The following RRM1 variants were observed in gnomAD, a reference collection of about 807,000 sequenced individuals.
RRM1 encodes ribonucleotide reductase catalytic subunit M1.
Under a neutral mutation model 101.5 loss-of-function variants are expected in RRM1, and 19 were observed. The ratio of observed to expected loss-of-function variants is 0.19; its 90% CI spans 0.13 to 0.27. The LOEUF is 0.27. Among genes scored for constraint, RRM1 ranks in the 10% least tolerant of loss-of-function variants. RRM1 has a pLI of 1.00. For missense variants in RRM1, 500 were observed against 962.9 expected (o/e 0.52, Z 6.36); for synonymous variants, 298 against 323.4 (o/e 0.92, Z 0.84).
intron 12 of RRM1, among the ~76,000 whole-genome samples, chr11:4,124,894 A>C (rs2094587090): frequency 6.7e-6 from 1 of 148,402 alleles, no homozygotes; most frequent in African/African-American, 2.5e-5. Context: ...CATTACCACT[A>C]TCTAATTGTA....
chr11:4,110,534 G>A lies in RRM1; in HGVS notation c.447+831G>A, dbSNP rs76542733. On this transcript the variant is annotated intron_variant, in intron 5 of 18. Coordinates refer to ENST00000300738, the MANE Select transcript of RRM1 (RefSeq NM_001033.5). The stretch of plus-strand genomic sequence containing the variant: ...TGTAATCCCAGCACTTTAGGAAGCC[G>A]AGGCGGGCTGATCACTCGAGGTCAG... Among the ~76,000 whole-genome samples, 5 of 152,074 alleles carry A rather than the reference G, an allele frequency of 3.3e-5. No homozygotes were observed. In the East Asian group the frequency reaches 9.7e-4, roughly 30 times the overall value.
intron 2 of RRM1, chr11:4,105,794 G>C (rs1590714242): frequency 2.2e-6 from 1 of 449,422 alleles, no homozygotes; most frequent in East Asian, 4.6e-5. Flanking sequence ...CGAACTCCTG[G>C]ACTCAAGCCA....
chr11:4,116,971 AAAAAG>A (rs1306304378), intron 7 of RRM1, among the ~76,000 whole-genome samples: 17 of 147,906 alleles, frequency 1.1e-4, no homozygotes, highest in African/African-American at 3.2e-4. Flanking sequence ...TGTCTCAAAA[AAAAAG>A]AAAAGAAAAG....
chr11:4,107,214 A>G (rs1476386545), intron 3 of RRM1, among the ~76,000 whole-genome samples: 4 of 152,228 alleles, frequency 2.6e-5, no homozygotes, highest in Non-Finnish European at 5.9e-5. Flanking sequence ...TTAAACTACA[A>G]GAACTTATAA....
intron 4 of RRM1, among the ~76,000 whole-genome samples, chr11:4,108,340 T>A (rs2094560983): frequency 6.6e-6 from 1 of 152,146 alleles, no homozygotes; most frequent in Non-Finnish European, 1.5e-5. Flanking sequence ...AGCTCACGCC[T>A]GTAATCCCAG....
intron 12 of RRM1, among the ~76,000 whole-genome samples, chr11:4,124,834 TTC>T (rs1272027720): frequency 2.6e-5 from 1 of 38,698 alleles, no homozygotes; most frequent in Non-Finnish European, 8.3e-5. Flanking sequence ...AGTGTTTTTT[TTC>T]TTTTCTTTTC....
In RRM1 at chr11:4,129,054, T is replaced by G. The variant is rs765502529; in HGVS notation, c.1693-20T>G. The stretch of plus-strand genomic sequence containing the variant: ...AGTTTTAACTTGCTGTAGAATAAAT[T>G]TGAGTTGTGTATTCCTTAGATTCTT... On this transcript the variant is annotated intron_variant, in intron 14 of 18. Coordinates refer to ENST00000300738, the MANE Select transcript of RRM1 (RefSeq NM_001033.5). The G allele has an allele frequency of 7.0e-6, 10 of 1,437,944 alleles. No homozygotes were observed. In the South Asian group the frequency reaches 1.2e-4, roughly 17 times the overall value. The allele number at this position is 1,437,944 out of a possible 1,614,324, so 89.1% of individuals were successfully genotyped here.
At chr11:4,101,563 C>CG (rs2094551198) in intron 1 of RRM1, among the ~76,000 whole-genome samples, 1 of 58,002 alleles carries the variant, frequency 1.7e-5, no homozygotes, top group African/African-American at 4.0e-5. Flanking sequence ...ATCCACACCC[C>CG]CCCCCGCTCC....
Position 4,101,991 on chromosome 11 carries a change from A to C in RRM1, c.20-2A>C. ...AATTGCTAACATGATTTGATTCTTT[A>C]GATGGCCGCCAAGAACGAGTCATGT... On this transcript the variant is annotated splice_acceptor_variant, in intron 1 of 18. Coordinates refer to ENST00000300738, the MANE Select transcript of RRM1 (RefSeq NM_001033.5). LOFTEE classifies it high-confidence loss of function. 1 of 1,545,954 alleles carries C rather than the reference A, an allele frequency of 6.5e-7. No individual in the cohort carries two copies. The highest frequency in any genetic ancestry group is 8.9e-7 in the Non-Finnish European group (1 of 1,122,530).
intron 5 of RRM1, among the ~76,000 whole-genome samples, chr11:4,110,768 C>CAAAA (rs968622381): frequency 9.9e-4 from 51 of 51,358 alleles, no homozygotes; most frequent in Non-Finnish European, 1.7e-3. Context: ...GACTCTGTCT[C>CAAAA]AAAAAAAAAA....
chr11:4,095,115 C>CGCCTTCGCTGCTTCCCGCCT, intron 1 of RRM1, 84 bp downstream of exon 1: 4 of 1,453,568 alleles, frequency 2.8e-6, no homozygotes, highest in South Asian at 2.4e-5. Context: ...ACCGCCCGCC[C>CGCCTTCGCTGCTTCCCGCCT]GCCTTCGCTG....
In RRM1 at chr11:4,126,852, G is replaced by A. The variant is rs1486153158; in HGVS notation, c.1470+19G>A. The A allele has an allele frequency of 6.4e-7, 1 of 1,573,694 alleles. No individual in the cohort carries two copies. Among genetic ancestry groups the A allele is most frequent in the Non-Finnish European group, 8.7e-7 (1 of 1,153,114 alleles). Reference sequence around the variant, plus strand: ...ACCAGAGGTATGAATAGATTTCTCTGCTTATTGGTAATTATTGAAATCCAA... The same window carrying A: ...ACCAGAGGTATGAATAGATTTCTCTACTTATTGGTAATTATTGAAATCCAA... On this transcript the variant is annotated intron_variant, in intron 13 of 18. Coordinates refer to ENST00000300738, the MANE Select transcript of RRM1 (RefSeq NM_001033.5).
At chr11:4,131,301 C>T (rs1052214266) in intron 15 of RRM1, among the ~76,000 whole-genome samples, 3 of 152,196 alleles carry the variant, frequency 2.0e-5, no homozygotes, top group South Asian at 2.1e-4. Context: ...AATTACCTCC[C>T]GCCAGGTCCC....
rs2094601631 is a variant in RRM1, at chr11:4,132,165, T to C, written c.1770-121T>C. The C allele has an allele frequency of 1.0e-6, 1 of 955,382 alleles. No individual in the cohort carries two copies. The highest frequency in any genetic ancestry group is 1.6e-6 in the Non-Finnish European group (1 of 621,544). 59.2% of individuals were successfully genotyped at this position (955,382 alleles called of 1,614,324 possible). ...AAAGTCAACGTGTGAGTTCAATGCATGTACGATGTTACATTTACATTTACT... is the reference window on the plus strand; with the variant it reads ...AAAGTCAACGTGTGAGTTCAATGCACGTACGATGTTACATTTACATTTACT... On this transcript the variant is annotated intron_variant, in intron 15 of 18. Coordinates refer to ENST00000300738, the MANE Select transcript of RRM1 (RefSeq NM_001033.5). The surrounding 1 kb of genome is among the most constrained non-coding windows in gnomAD (Gnocchi z 4.1).
rs774660364 is a variant in RRM1 at position 4,133,657 on chromosome 11, A to G, written c.2000A>G (p.Gln667Arg). The G allele has an allele frequency of 6.3e-7, 1 of 1,587,676 alleles. No individual in the cohort carries two copies. The highest frequency in any genetic ancestry group is 8.6e-7 in the Non-Finnish European group (1 of 1,157,008). ...ATTATTGCATGCAATGGCTCTATTC[A>G]GGTATAGAATGAAAATGAAGTGTGC... ...NQIIACNGSI[Q>R]SIPEIPDDLK... is the part of the protein sequence containing the mutation. Residue 667 changes from glutamine (Q) to arginine (R), a missense_variant and splice_region_variant, in exon 17 of 19, where the codon CAG (glutamine) becomes CGG (arginine). Gln to Arg is a conservative substitution (Grantham distance 43). This residue lies in a region of RRM1 where 79 missense variants were observed against 176.4 expected (regional missense o/e 0.45). Transcript: ENST00000300738.
chr11:4,113,897 C>T (rs61899661), intron 7 of RRM1, among the ~76,000 whole-genome samples: 1 of 152,062 alleles, frequency 6.6e-6, no homozygotes, highest in Non-Finnish European at 1.5e-5. Context: ...GAGGCCGAGG[C>T]GGGCGGATTG....
intron 8 of RRM1, among the ~76,000 whole-genome samples, chr11:4,118,678 T>C (rs1278886991): frequency 6.6e-6 from 1 of 152,222 alleles, no homozygotes; most frequent in African/African-American, 2.4e-5. Flanking sequence ...GAATCCTTTT[T>C]AGCTCAGGTT....
chr11:4,136,750 GTTTGTTTT>G (rs1314133540), intron 18 of RRM1, among the ~76,000 whole-genome samples: 1 of 151,506 alleles, frequency 6.6e-6, no homozygotes, highest in East Asian at 1.9e-4. Flanking sequence ...TTGTTTGTTT[GTTTGTTTT>G]TTCTTTTTAT....
intron 7 of RRM1, among the ~76,000 whole-genome samples, chr11:4,115,779 ACTC>A (rs1374223817): frequency 6.6e-6 from 1 of 151,960 alleles, no homozygotes; most frequent in Non-Finnish European, 1.5e-5. Context: ...CTGGTCTCGA[ACTC>A]CTGACCTCAG....
Sources: allele counts gnomAD v4.1 joint callset (sites outside exome capture counted in the v4.1 genomes callset), GRCh38; gene constraint gnomAD v4.1.1; regional missense constraint gnomAD v4.1.1; non-coding constraint Gnocchi (gnomAD v3.1); transcripts MANE v1.5; gene names NCBI Gene and HGNC (gene_info 2026-07-23, HGNC 2026-07-21).